The following ARHGAP15 variants were observed in gnomAD, a reference collection of about 807,000 sequenced individuals.
The protein encoded by ARHGAP15 is Rho GTPase activating protein 15.
In ARHGAP15, 51 loss-of-function variants were observed where a neutral mutation model predicts 63.7. That is an observed-to-expected ratio of 0.80 (90% CI 0.64 to 1.01). ARHGAP15 has a LOEUF of 1.01. ARHGAP15 is among the 50% of genes least tolerant of loss of function. ARHGAP15 has a pLI of 0.00. For synonymous variants in ARHGAP15, 191 were observed against 193.8 expected (o/e 0.99, Z 0.12); for missense variants, 560 against 564.6 (o/e 0.99, Z 0.08).
At chr2:143,582,537 G>A (rs1029383407) in intron 11 of ARHGAP15, among the ~76,000 whole-genome samples, 4 of 152,260 alleles carry the variant, frequency 2.6e-5, no homozygotes. Context: ...TGAGGTGGCA[G>A]AGCAAACTCC....
intron 6 of ARHGAP15, among the ~76,000 whole-genome samples, chr2:143,280,533 TG>T (rs1359231254): frequency 6.6e-6 from 1 of 152,168 alleles, no homozygotes; most frequent in East Asian, 1.9e-4. Flanking sequence ...CCTCTGCTCT[TG>T]GCAGAAGCTA....
intron 6 of ARHGAP15, among the ~76,000 whole-genome samples, chr2:143,336,925 G>C (rs1397297087): frequency 6.6e-6 from 1 of 152,124 alleles, no homozygotes; most frequent in Non-Finnish European, 1.5e-5. Context: ...TGGTGATCAT[G>C]GATAAGATTC....
chr2:143,190,577 T>C lies in ARHGAP15; in HGVS notation c.166-11557T>C, dbSNP rs536606730. Among the ~76,000 whole-genome samples, 143 of 152,276 alleles carry C rather than the reference T, an allele frequency of 9.4e-4. 1 individual carries two copies. The highest frequency in any genetic ancestry group is 3.3e-3 in the African/African-American group (139 of 41,554). ...GCCAAGTGACCTTGAGTCTAGACTC[T>C]AGAAGCTTCCTTGTTTAATTTTGTC... On this transcript the variant is annotated intron_variant, in intron 2 of 13. Transcript: ENST00000295095.
At chr2:143,355,115 A>G (rs10205708) in intron 6 of ARHGAP15, among the ~76,000 whole-genome samples, 129,376 of 152,168 alleles carry the variant, frequency 0.85, 55,246 homozygotes, top group East Asian at 0.99. Context: ...TGGCTTAAGT[A>G]ATCTGAAAAT....
chr2:143,240,236 T>C (rs1041504254), intron 5 of ARHGAP15, among the ~76,000 whole-genome samples: 8 of 151,806 alleles, frequency 5.3e-5, no homozygotes, highest in African/African-American at 1.7e-4. Context: ...TTAAAAAATA[T>C]TGTTTACTTT....
intron 8 of ARHGAP15, among the ~76,000 whole-genome samples, chr2:143,465,490 A>T (rs1691155048): frequency 6.6e-6 from 1 of 152,160 alleles, no homozygotes; most frequent in South Asian, 2.1e-4. Flanking sequence ...AAATCTGCTC[A>T]CTGAAGGCCT....
chr2:143,202,108 A>C (rs974918272), intron 2 of ARHGAP15, 26 bp from the exon 3 acceptor site: 10 of 1,579,010 alleles, frequency 6.3e-6, no homozygotes, highest in Middle Eastern at 1.8e-4. Flanking sequence ...ATTATGTAAT[A>C]ATATCCAATG....
intron 13 of ARHGAP15, among the ~76,000 whole-genome samples, chr2:143,738,500 C>A (rs539556534): frequency 2.0e-5 from 3 of 152,282 alleles, no homozygotes; most frequent in Non-Finnish European, 4.4e-5. Context: ...CAGATCAATT[C>A]CTTTGACTTG....
intron 6 of ARHGAP15, among the ~76,000 whole-genome samples, chr2:143,376,417 T>C (rs1686808935): frequency 6.6e-6 from 1 of 152,188 alleles, no homozygotes; most frequent in South Asian, 2.1e-4. Flanking sequence ...ATCAATTCAC[T>C]GCAGCCTACT....
At chr2:143,467,287 G>T (rs545495685) in intron 8 of ARHGAP15, among the ~76,000 whole-genome samples, 35 of 68,190 alleles carry the variant, frequency 5.1e-4, no homozygotes, top group African/African-American at 2.1e-3. Flanking sequence ...TTTGATTCCT[G>T]ATCTATGCAG....
chr2:143,384,506 G>A (rs1687186096), intron 6 of ARHGAP15, among the ~76,000 whole-genome samples: 3 of 151,278 alleles, frequency 2.0e-5, no homozygotes, highest in Admixed American at 1.3e-4. Context: ...GAAAGGAAAA[G>A]CTTTACCAGC....
chr2:143,191,091 T>C (rs1375276111), intron 2 of ARHGAP15, among the ~76,000 whole-genome samples: 1 of 152,230 alleles, frequency 6.6e-6, no homozygotes, highest in African/African-American at 2.4e-5. Context: ...TTATTATTTC[T>C]TCTCCAAGAA....
At chr2:143,718,646 C>G (rs1041224761) in intron 13 of ARHGAP15, among the ~76,000 whole-genome samples, 1 of 152,130 alleles carries the variant, frequency 6.6e-6, no homozygotes, top group Admixed American at 6.5e-5. Context: ...TAAACTGTTT[C>G]CTCATACATT....
At chr2:143,739,740 T>C (rs978931857) in intron 13 of ARHGAP15, among the ~76,000 whole-genome samples, 2 of 152,186 alleles carry the variant, frequency 1.3e-5, no homozygotes, top group Non-Finnish European at 2.9e-5. Context: ...CTCTAGGCCA[T>C]AGCATTCAGC....
In ARHGAP15 at chr2:143,542,074, T is replaced by C. The variant is rs189223405; in HGVS notation, c.926-14334T>C. Among the ~76,000 whole-genome samples the C allele has an allele frequency of 2.6e-5, 4 of 152,318 alleles. No individual in the cohort carries two copies. In the East Asian group the frequency reaches 5.8e-4, roughly 22 times the overall value. On this transcript the variant is annotated intron_variant, in intron 10 of 13. Transcript: ENST00000295095. ...TGCTTACCTACTCAAGCCTGAGCAA[T>C]TGCGGGCACCCCTCCCCCAGCCTCG... is the stretch of plus-strand genomic sequence containing the variant.
chr2:143,725,014 A>G lies in ARHGAP15; in HGVS notation c.1244+21490A>G, dbSNP rs78991804. ...AACTCAAGTTCCTCAGGAGAGCTTC[A>G]AGATTCAGAAGTTCTTTCTGAATTA... On this transcript the variant is annotated intron_variant, in intron 13 of 13. Coordinates refer to ENST00000295095, the MANE Select transcript of ARHGAP15 (RefSeq NM_018460.4). Among the ~76,000 whole-genome samples the G allele has an allele frequency of 2.2e-3, 329 of 152,338 alleles. 7 individuals are homozygous for G. The East Asian group carries it at 0.049, about 22-fold the overall frequency.
chr2:143,340,264 T>A (rs1684998566), intron 6 of ARHGAP15, among the ~76,000 whole-genome samples: 1 of 151,878 alleles, frequency 6.6e-6, no homozygotes, highest in Non-Finnish European at 1.5e-5. Flanking sequence ...CTTTTCAGGG[T>A]GAAAGTGACC....
At chr2:143,258,248 AATAC>A (rs1680523986) in intron 6 of ARHGAP15, among the ~76,000 whole-genome samples, 1 of 141,514 alleles carries the variant, frequency 7.1e-6, no homozygotes, top group African/African-American at 2.7e-5. Context: ...CAAGAGAAAA[AATAC>A]ATATATATAT....
intron 10 of ARHGAP15, among the ~76,000 whole-genome samples, chr2:143,534,619 C>T (rs1202520058): frequency 6.6e-6 from 1 of 152,112 alleles, no homozygotes; most frequent in Non-Finnish European, 1.5e-5. Flanking sequence ...TGGCTCATGC[C>T]TACAATCCCA....
Sources: gnomAD v4.1 joint callset for allele counts (sites outside exome capture counted in the v4.1 genomes callset) on GRCh38, gnomAD v4.1.1 for gene constraint, MANE v1.5 for transcripts, NCBI Gene and HGNC (gene_info 2026-07-23, HGNC 2026-07-21) for gene names.